The following UPF3B variants were observed in gnomAD, a reference collection of about 807,000 sequenced individuals.
UPF3B encodes UPF3B regulator of nonsense mediated mRNA decay.
A neutral mutation model predicts 40.3 loss-of-function variants in UPF3B; 7 were observed. The observed-to-expected ratio is 0.17, with a 90% CI of 0.10 to 0.33. The LOEUF is 0.33. Among genes scored for constraint, UPF3B ranks in the 10% least tolerant of loss-of-function variants. UPF3B has a pLI of 1.00. For missense variants in UPF3B, 229 were observed against 358.9 expected (o/e 0.64, Z 2.93); for synonymous variants, 117 against 117.3 (o/e 1.00, Z 0.01).
chrX:119,827,231 G>A (rs1261529639), intron 3 of UPF3B, among the ~76,000 whole-genome samples: 1 of 111,130 alleles, frequency 9.0e-6, no homozygotes, highest in African/African-American at 3.3e-5. Context: ...AGTAAATAAT[G>A]TAAAAAAGAT....
At position 119,840,695 on chromosome X, in the gene UPF3B, T is replaced by G. The variant is rs1420646423; in HGVS notation, c.808-11A>C. 9.1e-6 allele frequency: 11 copies of G among 1,202,345 alleles called. No homozygotes were observed. The highest frequency in any genetic ancestry group is 1.0e-5 in the Non-Finnish European group (9 of 890,786). The stretch of plus-strand genomic sequence containing the variant: ...CAGAAACCTGTGTACCTGAAGACAG[T>G]GGAAAACAAACAGATGAGGTAACTT... On this transcript the variant is annotated splice_polypyrimidine_tract_variant and intron_variant, in intron 7 of 10. Coordinates refer to ENST00000276201, the MANE Select transcript of UPF3B (RefSeq NM_080632.3).
rs55712755 is a variant in UPF3B at position 119,851,748 on chromosome X, C to CTTT, written c.263+16_263+18dup. The stretch of plus-strand genomic sequence containing the variant: ...GAAACCTTTTTCATTTACCCCTTTC[C>CTTT]TTTTTTTTTTTTTTTTACCTCGTAT... On this transcript the variant is annotated intron_variant, in intron 2 of 10. Transcript: ENST00000276201. 7.4e-4 allele frequency: 414 copies of CTTT among 559,309 alleles called. 7 individuals carry two copies. The African/African-American group carries it at 0.011, about 15-fold the overall frequency. The allele number at this position is 559,309 out of a possible 1,213,427, so 46.1% of individuals were successfully genotyped here. A position where few individuals can be genotyped will look rare whatever the true frequency, so the allele number is the denominator to read the frequency against.
chrX:119,820,049 T>C (rs12837202), intron 4 of UPF3B, among the ~76,000 whole-genome samples: 4,652 of 111,648 alleles, frequency 0.042, 239 homozygotes, highest in African/African-American at 0.14. Flanking sequence ...TTCACCATGT[T>C]GGCCAGGTTT....
intron 5 of UPF3B, among the ~76,000 whole-genome samples, chrX:119,842,629 C>CACACACACACAG (rs202167619): frequency 1.1e-4 from 12 of 107,233 alleles, no homozygotes; most frequent in African/African-American, 3.8e-4. Flanking sequence ...CACACACACA[C>CACACACACACAG]AGAGAGAGAG....
Position 119,838,495 on chromosome X carries a change from T to C in UPF3B, c.879A>G (p.Lys293=). The C allele has an allele frequency of 1.7e-6, 2 of 1,211,418 alleles. No homozygotes were observed. The highest frequency in any genetic ancestry group is 2.2e-6 in the Non-Finnish European group (2 of 895,252). ...TGGCTTTTTCTCTTTTGTCCAATTC[T>C]TTTTCATCTCCTTTTTCTGGCTTCT... ...LLKKPEKGDE[K]ELDKREKAKK... The change falls in exon 9 of 11, where the codon AAA becomes AAG. Residue 293 remains lysine, a synonymous_variant. Coordinates refer to ENST00000276201, the MANE Select transcript of UPF3B (RefSeq NM_080632.3).
intron 6 of UPF3B, among the ~76,000 whole-genome samples, chrX:119,805,678 G>T (rs892750690): frequency 1.8e-5 from 2 of 110,935 alleles, no homozygotes; most frequent in Non-Finnish European, 3.8e-5. Flanking sequence ...CTAAGGACAT[G>T]AACAGACACT....
At chrX:119,810,698 G>A (rs1361945292) in intron 5 of UPF3B, among the ~76,000 whole-genome samples, 3 of 111,521 alleles carry the variant, frequency 2.7e-5, no homozygotes, top group African/African-American at 9.8e-5. Context: ...CTCATCAAAC[G>A]GGAAATTTTG....
At chrX:119,826,368 G>A (rs1183489444) in intron 3 of UPF3B, among the ~76,000 whole-genome samples, 1 of 109,354 alleles carries the variant, frequency 9.1e-6, no homozygotes, top group African/African-American at 3.3e-5. Context: ...ATAATCCCAG[G>A]TACTAGGGGA....
At chrX:119,836,647 A>G (rs1005885271) in intron 10 of UPF3B, among the ~76,000 whole-genome samples, 2 of 105,971 alleles carry the variant, frequency 1.9e-5, no homozygotes, top group African/African-American at 7.1e-5. Context: ...TCATCATACT[A>G]TTCGATTTTT....
chrX:119,824,783 T>TTC (rs1223661098), intron 3 of UPF3B, among the ~76,000 whole-genome samples: 15 of 101,390 alleles, frequency 1.5e-4, no homozygotes, highest in African/African-American at 5.5e-4. Context: ...TTTTTTTTTT[T>TTC]TGAGATGGAG....
At chrX:119,816,175 T>C (rs1015948478) in intron 4 of UPF3B, among the ~76,000 whole-genome samples, 4 of 111,373 alleles carry the variant, frequency 3.6e-5, no homozygotes, top group African/African-American at 1.3e-4. Flanking sequence ...GGGAGCAAAG[T>C]AGAAGAAAGG....
intron 7 of UPF3B, 97 bp from the exon 8 acceptor site, chrX:119,840,781 A>G: frequency 1.1e-6 from 1 of 887,297 alleles, no homozygotes. Flanking sequence ...GCCAGCCCTA[A>G]GCCCTCATTT....
chrX:119,818,442 G>A (rs1258970652), intron 4 of UPF3B, among the ~76,000 whole-genome samples: 1 of 111,109 alleles, frequency 9.0e-6, no homozygotes, highest in East Asian at 2.8e-4. Context: ...TTAACTGGGT[G>A]CGGTGGCAGG....
At chrX:119,813,037 G>A (rs1338055785) in intron 5 of UPF3B, among the ~76,000 whole-genome samples, 1 of 111,076 alleles carries the variant, frequency 9.0e-6, no homozygotes, top group Non-Finnish European at 1.9e-5. Context: ...GTCATTATTG[G>A]TGGCTCTTGT....
chrX:119,836,602 A>G lies in UPF3B; in HGVS notation c.1302+1155T>C, dbSNP rs778273541. Among the ~76,000 whole-genome samples the G allele has an allele frequency of 4.6e-5, 5 of 109,389 alleles. No individual in the cohort carries two copies. The South Asian group carries it at 1.9e-3, about 43-fold the overall frequency. The allele number at this position is 109,389 out of a possible 115,157, so 95.0% of individuals were successfully genotyped here. On this transcript the variant is annotated intron_variant, in intron 10 of 10. Transcript: ENST00000276201. The stretch of plus-strand genomic sequence containing the variant: ...AAGTAGAATAGAAAGAAGGTTGGCT[A>G]TGAACTGCTGGGTGATGGGTACAGT...
intron 6 of UPF3B, chrX:119,807,328 C>A: frequency 1.2e-6 from 1 of 801,189 alleles, no homozygotes. Context: ...CCAGCACAAC[C>A]ACCCCCTTTC....
chrX:119,811,484 A>G (rs1193591819), intron 5 of UPF3B, among the ~76,000 whole-genome samples: 4 of 110,363 alleles, frequency 3.6e-5, no homozygotes, highest in Admixed American at 1.9e-4. Context: ...CGTCTCTACT[A>G]AAAATACAAA....
chrX:119,833,595 C>G (rs757481217), downstream of UPF3B, among the ~76,000 whole-genome samples: 1 of 111,869 alleles, frequency 8.9e-6, no homozygotes, highest in East Asian at 2.8e-4. Flanking sequence ...CAATCTCCAC[C>G]TCCCAGGCTC....
rs794727881 is a variant in UPF3B, at chrX:119,841,205, TTTTC to T, written c.674_677del (p.Arg225LysfsTer22). On this transcript the variant is annotated frameshift_variant, in exon 7 of 11. Coordinates refer to ENST00000276201, the MANE Select transcript of UPF3B (RefSeq NM_080632.3). LOFTEE classifies it high-confidence loss of function. ...TCCTCCTCTCTTCTTCTCTTTGTCT[TTTTC>T]TTTCTATTTCTCTCCTCCTCCTTTC... The T allele has an allele frequency of 5.0e-6, 6 of 1,188,318 alleles. No homozygotes were observed. The highest frequency in any genetic ancestry group is 3.5e-5 in the African/African-American group (2 of 56,635).
Sources: allele counts gnomAD v4.1 joint callset (sites outside exome capture counted in the v4.1 genomes callset), GRCh38; gene constraint gnomAD v4.1.1; transcripts MANE v1.5; gene names NCBI Gene and HGNC (gene_info 2026-07-23, HGNC 2026-07-21).